The following TAF4 variants were observed in gnomAD, a reference collection of about 807,000 sequenced individuals.
The protein encoded by TAF4 is transcription initiation factor TFIID subunit 4.
Under a neutral mutation model 90.3 loss-of-function variants are expected in TAF4, and 9 were observed. The ratio of observed to expected loss-of-function variants is 0.10; its 90% CI spans 0.06 to 0.17. The LOEUF is 0.17. Ranked by LOEUF, TAF4 falls within the 10% of genes least tolerant of loss-of-function variation. The pLI, the probability that TAF4 is intolerant of heterozygous loss-of-function variation, is 1.00. For missense variants in TAF4, 1,351 were observed against 1,370.7 expected (o/e 0.99, Z 0.23); for synonymous variants, 818 against 638.9 (o/e 1.28, Z -4.23).
At chr20:61,977,275 G>A (rs1337256224) in intron 14 of TAF4, among the ~76,000 whole-genome samples, 2 of 152,052 alleles carry the variant, frequency 1.3e-5, no homozygotes, top group African/African-American at 2.4e-5. Flanking sequence ...AGCGGGGCAC[G>A]TGCCACACAA....
At chr20:61,997,805 TAGTA>T in intron 13 of TAF4, 136 bp from the exon 14 acceptor site, 8 of 1,154,494 alleles carry the variant, frequency 6.9e-6, no homozygotes, top group Non-Finnish European at 9.4e-6. Flanking sequence ...ACTTTCTCAA[TAGTA>T]AGCATATTCT....
intron 14 of TAF4, chr20:61,979,264 A>C (rs1046222895): frequency 6.6e-6 from 1 of 152,654 alleles, no homozygotes; most frequent in South Asian, 2.1e-4. Context: ...TGGTGGGCGT[A>C]GCAGCCAGAG....
chr20:62,013,081 T>C lies in TAF4; in HGVS notation c.1522-147A>G, dbSNP rs77829250. ...GTGATCTGCAATGAAGCCACTGTAA[T>C]TCTAAAGTTTTCTTACCAAAGAACA... On this transcript the variant is annotated intron_variant, in intron 2 of 14. Transcript: ENST00000252996. 6.8e-5 allele frequency: 80 copies of C among 1,175,368 alleles called. No homozygotes were observed. The Middle Eastern group carries it at 8.1e-4, about 12-fold the overall frequency. The allele number at this position is 1,175,368 out of a possible 1,614,324, so 72.8% of individuals were successfully genotyped here.
At chr20:62,060,801 C>T (rs1270419932) in intron 1 of TAF4, among the ~76,000 whole-genome samples, 1 of 152,208 alleles carries the variant, frequency 6.6e-6, no homozygotes, top group Non-Finnish European at 1.5e-5. Flanking sequence ...CCAGGGTGAC[C>T]CACCTCAGAC....
Position 61,975,797 on chromosome 20 carries a change from C to G in TAF4, c.*371G>C, listed in dbSNP as rs550393211. The G allele has an allele frequency of 4.0e-5, 9 of 224,070 alleles. No homozygotes were observed. The Admixed American group carries it at 4.1e-4, about 10-fold the overall frequency. 13.9% of individuals were successfully genotyped at this position (224,070 alleles called of 1,614,324 possible). A position where few individuals can be genotyped will look rare whatever the true frequency, so the allele number is the denominator to read the frequency against. ...AATGAGGTCATCGGCTGTAGACATA[C>G]ACCTACATAGTAAGTTAGGTAGAAC... On this transcript the variant is annotated 3_prime_UTR_variant, in exon 15 of 15. Coordinates refer to ENST00000252996, the MANE Select transcript of TAF4 (RefSeq NM_003185.4).
At chr20:62,016,596 G>A (rs2055813243) in intron 1 of TAF4, among the ~76,000 whole-genome samples, 1 of 152,212 alleles carries the variant, frequency 6.6e-6, no homozygotes, top group South Asian at 2.1e-4. Flanking sequence ...ACAGACTGAA[G>A]GCTGCACTGT....
intron 1 of TAF4, among the ~76,000 whole-genome samples, chr20:62,036,023 CTTTT>C (rs574223714): frequency 7.5e-6 from 1 of 134,120 alleles, no homozygotes; most frequent in Non-Finnish European, 1.6e-5. Context: ...AATCAAATTT[CTTTT>C]TTTTTTTAAA....
chr20:62,041,949 T>C (rs2055966106), intron 1 of TAF4, among the ~76,000 whole-genome samples: 1 of 151,062 alleles, frequency 6.6e-6, no homozygotes, highest in Admixed American at 6.6e-5. Context: ...TACAATTCTG[T>C]AGCATACAGA....
intron 1 of TAF4, among the ~76,000 whole-genome samples, chr20:62,021,848 GAA>G (rs971456178): frequency 1.7e-3 from 250 of 151,252 alleles, no homozygotes; most frequent in African/African-American, 5.5e-3. Flanking sequence ...TTTAAAAAAA[GAA>G]AAAAAAAGAC....
At chr20:62,000,859 C>T in intron 9 of TAF4, 138 bp from the exon 10 acceptor site, 2 of 816,486 alleles carry the variant, frequency 2.4e-6, no homozygotes, top group South Asian at 1.7e-5. Flanking sequence ...CGCACCTGCA[C>T]CTGCTGCATC....
At chr20:62,012,565 C>T (rs1380760638) in intron 3 of TAF4, 2 of 393,278 alleles carry the variant, frequency 5.1e-6, no homozygotes, top group Non-Finnish European at 8.7e-6. Flanking sequence ...TGGTGGAAAG[C>T]TTGAACAGTG....
chr20:61,989,306 G>GA (rs60932336), intron 14 of TAF4, among the ~76,000 whole-genome samples: 3 of 151,584 alleles, frequency 2.0e-5, no homozygotes, highest in South Asian at 2.1e-4. Flanking sequence ...AGAGGAACCA[G>GA]GGGAAGCTGC....
chr20:62,045,588 T>G (rs146353928), intron 1 of TAF4, among the ~76,000 whole-genome samples: 3 of 152,318 alleles, frequency 2.0e-5, no homozygotes, highest in African/African-American at 4.8e-5. Flanking sequence ...CTTTTTTGCC[T>G]TTATCAAATT....
At chr20:61,978,712 A>C (rs934940427) in intron 14 of TAF4, among the ~76,000 whole-genome samples, 6 of 150,724 alleles carry the variant, frequency 4.0e-5, no homozygotes, top group Non-Finnish European at 4.4e-5. Context: ...CAACCAAGGG[A>C]GGGGGCGAGA....
intron 14 of TAF4, among the ~76,000 whole-genome samples, chr20:61,995,582 A>AAGAAGTATTAGCCAAAAT (rs2055658271): frequency 3.9e-5 from 3 of 77,450 alleles, no homozygotes; most frequent in South Asian, 3.4e-4. Context: ...AAAAAATTTG[A>AAGAAGTATTAGCCAAAAT]GCCGGGCGCG....
At chr20:62,049,270 G>A (rs555884825) in intron 1 of TAF4, among the ~76,000 whole-genome samples, 9 of 152,252 alleles carry the variant, frequency 5.9e-5, no homozygotes, top group East Asian at 1.9e-4. Flanking sequence ...GCTTCTGTGC[G>A]AGTGTCTGTG....
intron 13 of TAF4, 142 bp from the exon 14 acceptor site, chr20:61,997,811 G>T: frequency 8.9e-7 from 1 of 1,123,674 alleles, no homozygotes; most frequent in Non-Finnish European, 1.2e-6. Flanking sequence ...TCAATAGTAA[G>T]CATATTCTAT....
intron 1 of TAF4, among the ~76,000 whole-genome samples, chr20:62,027,612 A>G (rs1400025522): frequency 6.6e-6 from 1 of 152,200 alleles, no homozygotes; most frequent in African/African-American, 2.4e-5. Context: ...GCCAACCACA[A>G]AACCATACTA....
At chr20:62,027,647 T>C (rs1476617953) in intron 1 of TAF4, among the ~76,000 whole-genome samples, 1 of 152,222 alleles carries the variant, frequency 6.6e-6, no homozygotes, top group Non-Finnish European at 1.5e-5. Flanking sequence ...AATTTATCCA[T>C]TTTCAGAACA....
Sources: gnomAD v4.1 joint callset for allele counts (sites outside exome capture counted in the v4.1 genomes callset) on GRCh38, gnomAD v4.1.1 for gene constraint, MANE v1.5 for transcripts, NCBI Gene and HGNC (gene_info 2026-07-23, HGNC 2026-07-21) for gene names.